Variants in RASGRP1 observed in about 807,000 individuals in gnomAD.
RASGRP1 encodes RAS guanyl releasing protein 1, also known as RAS guanyl-releasing protein 1.
Under a neutral mutation model 95.1 loss-of-function variants are expected in RASGRP1, and 37 were observed. That is an observed-to-expected ratio of 0.39 (90% CI 0.30 to 0.51). The LOEUF (loss-of-function observed/expected upper bound fraction) is 0.51. RASGRP1 is among the 20% of genes least tolerant of loss of function. The pLI is 0.80. For synonymous variants in RASGRP1, 325 were observed against 353.4 expected (o/e 0.92, Z 0.90); for missense variants, 711 against 965.4 (o/e 0.74, Z 3.49).
chr15:38,506,289 A>C (rs1891249077), intron 9 of RASGRP1, among the ~76,000 whole-genome samples: 1 of 152,206 alleles, frequency 6.6e-6, no homozygotes, highest in Non-Finnish European at 1.5e-5. Flanking sequence ...ATTAAATTTG[A>C]GTCCAGCAAT....
rs963585825 is a variant in RASGRP1, at chr15:38,489,117, T to C, written c.*1437A>G. On this transcript the variant is annotated 3_prime_UTR_variant, in exon 17 of 17. Transcript: ENST00000310803. ...TTATGAAGACTTGGTGCTATTGGCT[T>C]TAGTTTGGAACTTTTAATTGTTAAC... 26 of 152,014 alleles carry C rather than the reference T, an allele frequency of 1.7e-4. No individual in the cohort carries two copies. The highest frequency in any genetic ancestry group is 5.5e-4 in the African/African-American group (23 of 41,444). 9.4% of individuals were successfully genotyped at this position (152,014 alleles called of 1,614,324 possible). A position where few individuals can be genotyped will look rare whatever the true frequency, so the allele number is the denominator to read the frequency against.
Position 38,564,682 on chromosome 15 carries a change from C to T in RASGRP1, c.-54G>A. 8.2e-7 allele frequency: 1 copy of T among 1,215,172 alleles called. No individual in the cohort carries two copies. Among genetic ancestry groups the T allele is most frequent in the Middle Eastern group, 3.1e-4 (1 of 3,254 alleles). The allele number at this position is 1,215,172 out of a possible 1,614,324, so 75.3% of individuals were successfully genotyped here. A position where few individuals can be genotyped will look rare whatever the true frequency, so the allele number is the denominator to read the frequency against. On this transcript the variant is annotated 5_prime_UTR_variant, in exon 1 of 17. An upstream start codon of the reference 5' UTR is lost. Transcript: ENST00000310803. ...TCACCTAGCGCGGCCGGGCGCGGCG[C>T]ATCGCCCCCGCCACCACCGCCGCCG...
rs1163122179 is a variant in RASGRP1 at position 38,489,802 on chromosome 15, G to A, written c.*752C>T. On this transcript the variant is annotated 3_prime_UTR_variant, in exon 17 of 17. Transcript: ENST00000310803. ...ATAAGGACAAACATGTTTGCGTTAT[G>A]TTTATTTTAATTAGACAGTAATATG... 1 of 151,700 alleles carries A rather than the reference G, an allele frequency of 6.6e-6. No homozygotes were observed. The highest frequency in any genetic ancestry group is 1.5e-5 in the Non-Finnish European group (1 of 67,818). 9.4% of individuals were successfully genotyped at this position (151,700 alleles called of 1,614,324 possible). A position where few individuals can be genotyped will look rare whatever the true frequency, so the allele number is the denominator to read the frequency against.
At chr15:38,512,747 A>G in intron 7 of RASGRP1, 36 bp downstream of exon 7, 1 of 1,611,228 alleles carries the variant, frequency 6.2e-7, no homozygotes, top group Middle Eastern at 1.7e-4. Flanking sequence ...AGTTTACCTT[A>G]TAGCCCAAGC....
In RASGRP1 at chr15:38,518,369, G is replaced by A; in HGVS notation, c.444C>T (p.Asp148=). The change falls in exon 5 of 17, where the codon GAC becomes GAT. Residue 148 remains aspartate, a synonymous_variant. Coordinates refer to ENST00000310803, the MANE Select transcript of RASGRP1 (RefSeq NM_005739.4). Reference sequence around the variant, plus strand: ...CCAGTTCCTGAAACTCCTCCATAGTGTCTGTCAAGCTGGCGTCCATTTTAA... The same window carrying A: ...CCAGTTCCTGAAACTCCTCCATAGTATCTGTCAAGCTGGCGTCCATTTTAA... ...VMFKMDASLT[D]TMEEFQELVK... The A allele has an allele frequency of 1.2e-6, 2 of 1,609,104 alleles. No individual in the cohort carries two copies. Among genetic ancestry groups the A allele is most frequent in the South Asian group, 1.1e-5 (1 of 89,852 alleles).
chr15:38,501,978 C>T (rs1324330051), intron 12 of RASGRP1, among the ~76,000 whole-genome samples: 1 of 151,980 alleles, frequency 6.6e-6, no homozygotes, highest in East Asian at 1.9e-4. Context: ...CCTCAGCCTC[C>T]CGAGTAGCTG....
At chr15:38,537,265 A>G (rs1892689911) in intron 2 of RASGRP1, among the ~76,000 whole-genome samples, 1 of 152,184 alleles carries the variant, frequency 6.6e-6, no homozygotes. Flanking sequence ...TAATTTATAA[A>G]GAAAAGAAAT....
chr15:38,499,015 A>T (rs1181866123), intron 14 of RASGRP1, 69 bp from the exon 15 acceptor site: 1 of 1,593,648 alleles, frequency 6.3e-7, no homozygotes, highest in Non-Finnish European at 8.6e-7. Context: ...TCTCACAACC[A>T]AATTCATGCA....
intron 2 of RASGRP1, among the ~76,000 whole-genome samples, chr15:38,554,085 A>T (rs1893446946): frequency 6.6e-6 from 1 of 152,156 alleles, no homozygotes; most frequent in Non-Finnish European, 1.5e-5. Flanking sequence ...GACTGTGAGG[A>T]ATTTGAATGT....
chr15:38,516,145 AT>A, intron 6 of RASGRP1, 51 bp downstream of exon 6: 1 of 1,516,302 alleles, frequency 6.6e-7, no homozygotes, highest in Non-Finnish European at 9.1e-7. Flanking sequence ...TTATCATCTT[AT>A]TTTCAGAAAT....
At chr15:38,510,992 C>G (rs1483710251) in intron 8 of RASGRP1, among the ~76,000 whole-genome samples, 1 of 152,008 alleles carries the variant, frequency 6.6e-6, no homozygotes. Flanking sequence ...CAAAACAGCC[C>G]TATGTCATAA....
At chr15:38,542,763 T>C (rs978880304) in intron 2 of RASGRP1, among the ~76,000 whole-genome samples, 25 of 151,130 alleles carry the variant, frequency 1.7e-4, no homozygotes, top group African/African-American at 6.1e-4. Flanking sequence ...GCAATTCATC[T>C]GGGCCACAGG....
In RASGRP1 at chr15:38,497,714, C is replaced by G. The variant is rs539288739; in HGVS notation, c.1873+1080G>C. Among the ~76,000 whole-genome samples, 24 of 152,334 alleles carry G rather than the reference C, an allele frequency of 1.6e-4. 1 individual carries two copies. The South Asian group carries it at 3.7e-3, about 24-fold the overall frequency. On this transcript the variant is annotated intron_variant, in intron 15 of 16. Coordinates refer to ENST00000310803, the MANE Select transcript of RASGRP1 (RefSeq NM_005739.4). Reference sequence around the variant, plus strand: ...TAGAACTACTCCATGAAGACAGAGACAGTCTATTCTGCTTCTTTGCACTTT... The same window carrying G: ...TAGAACTACTCCATGAAGACAGAGAGAGTCTATTCTGCTTCTTTGCACTTT...
At chr15:38,506,016 A>G (rs1891238800) in intron 9 of RASGRP1, 96 bp from the exon 10 acceptor site, 1 of 972,350 alleles carries the variant, frequency 1.0e-6, no homozygotes, top group African/African-American at 1.6e-5. Context: ...CCAGTAGTTT[A>G]CTCTTTTAGG....
At chr15:38,529,243 T>A (rs1020374322) in intron 2 of RASGRP1, among the ~76,000 whole-genome samples, 1 of 152,234 alleles carries the variant, frequency 6.6e-6, no homozygotes, top group Non-Finnish European at 1.5e-5. Flanking sequence ...AATCAAGTCA[T>A]GCACTTAGTA....
chr15:38,502,526 A>T (rs1222180403), intron 11 of RASGRP1, 105 bp from the exon 12 acceptor site: 2 of 681,770 alleles, frequency 2.9e-6, no homozygotes, highest in African/African-American at 3.6e-5. Flanking sequence ...GCCTTTTAAC[A>T]ACCTGAACGA....
At chr15:38,531,396 G>A (rs182424936) in intron 2 of RASGRP1, among the ~76,000 whole-genome samples, 1 of 152,268 alleles carries the variant, frequency 6.6e-6, no homozygotes, top group East Asian at 1.9e-4. Flanking sequence ...AGTCCTTATG[G>A]CTACAAGTCT....
intron 3 of RASGRP1, 126 bp from the exon 4 acceptor site, chr15:38,519,497 T>C (rs925598054): frequency 1.3e-6 from 1 of 742,802 alleles, no homozygotes; most frequent in Non-Finnish European, 2.2e-6. Flanking sequence ...TGTGATGCTT[T>C]ATCTTTCTGG....
chr15:38,520,875 C>T (rs993012724), intron 3 of RASGRP1, among the ~76,000 whole-genome samples: 1 of 152,004 alleles, frequency 6.6e-6, no homozygotes, highest in African/African-American at 2.4e-5. Flanking sequence ...AAACTTGAAA[C>T]CCTAAACAAG....
Sources: allele counts gnomAD v4.1 joint callset (sites outside exome capture counted in the v4.1 genomes callset), GRCh38; gene constraint gnomAD v4.1.1; transcripts MANE v1.5; gene names NCBI Gene and HGNC (gene_info 2026-07-23, HGNC 2026-07-21).